ARHGAP32: variants seen among roughly 807,000 people sequenced by gnomAD.
ARHGAP32 encodes the protein Rho GTPase activating protein 32.
In ARHGAP32, 51 loss-of-function variants were observed where a neutral mutation model predicts 186.5. That is an observed-to-expected ratio of 0.27 (90% CI 0.22 to 0.35). The LOEUF (loss-of-function observed/expected upper bound fraction) is 0.35, where lower values mean the gene tolerates loss of function less well. Ranked by LOEUF, ARHGAP32 falls within the 10% of genes least tolerant of loss-of-function variation. The probability of loss-of-function intolerance (pLI) is 1.00; values close to 1 mark genes in which losing one functional copy is unlikely to be tolerated. For synonymous variants in ARHGAP32, 950 were observed against 964.3 expected, an observed-to-expected ratio of 0.99 and a Z score of 0.27; for missense variants, 2,186 against 2,623.5, an observed-to-expected ratio of 0.83 and a Z score of 3.64.
chr11:129,070,415 A>G (rs1940832689), intron 6 of ARHGAP32, among the ~76,000 whole-genome samples: 1 of 152,064 alleles, frequency 6.6e-6, no homozygotes, highest in South Asian at 2.1e-4. Context: ...AGTTTGGTTA[A>G]ATTGTTAACA....
At chr11:129,079,439 C>G (rs903731770) in intron 6 of ARHGAP32, among the ~76,000 whole-genome samples, 2 of 152,202 alleles carry the variant, frequency 1.3e-5, no homozygotes, top group African/African-American at 4.8e-5. Flanking sequence ...CTGGAAGCCT[C>G]TCTTTAGCCT....
chr11:129,059,698 T>C (rs1418179638), intron 10 of ARHGAP32, among the ~76,000 whole-genome samples: 1 of 151,736 alleles, frequency 6.6e-6, no homozygotes, highest in Non-Finnish European at 1.5e-5. Flanking sequence ...TGGGGTTTCA[T>C]CATGTTGGCC....
intron 5 of ARHGAP32, among the ~76,000 whole-genome samples, chr11:129,103,230 GA>G (rs929853098): frequency 5.3e-5 from 8 of 151,890 alleles, no homozygotes; most frequent in African/African-American, 1.5e-4. Context: ...TTAAAACTAT[GA>G]AAAAAAGTTC....
intron 1 of ARHGAP32, among the ~76,000 whole-genome samples, chr11:129,211,233 TG>T: frequency 6.6e-6 from 1 of 152,322 alleles, no homozygotes; most frequent in East Asian, 1.9e-4. Flanking sequence ...CTTTTATTAG[TG>T]ATCTGGATAT....
At chr11:129,105,831 A>C (rs1019210086) in intron 5 of ARHGAP32, among the ~76,000 whole-genome samples, 2 of 152,182 alleles carry the variant, frequency 1.3e-5, no homozygotes, top group African/African-American at 2.4e-5. Context: ...TTAACTAGAC[A>C]CTAAATAAAC....
intron 1 of ARHGAP32, among the ~76,000 whole-genome samples, chr11:129,253,750 C>A (rs575266525): frequency 6.6e-6 from 1 of 152,174 alleles, no homozygotes; most frequent in South Asian, 2.1e-4. Context: ...GGAATCATAT[C>A]TATTTTAATT....
chr11:129,035,305 T>C (rs1395014024), intron 11 of ARHGAP32, among the ~76,000 whole-genome samples: 1 of 152,210 alleles, frequency 6.6e-6, no homozygotes, highest in Admixed American at 6.5e-5. Context: ...ATTAATAACA[T>C]TTAAGAACAG....
intron 11 of ARHGAP32, among the ~76,000 whole-genome samples, chr11:129,009,757 T>G (rs769175503): frequency 6.6e-6 from 1 of 152,204 alleles, no homozygotes; most frequent in Non-Finnish European, 1.5e-5. Context: ...TTGGGTTGAT[T>G]CTGTGTCTTT....
intron 12 of ARHGAP32, among the ~76,000 whole-genome samples, chr11:128,996,853 C>T (rs944825692): frequency 6.6e-6 from 1 of 152,010 alleles, no homozygotes; most frequent in African/African-American, 2.4e-5. Flanking sequence ...GTGAAATCAG[C>T]TTACCGACCC....
intron 22 of ARHGAP32, 73 bp from the exon 23 acceptor site, chr11:128,971,232 C>G: frequency 2.2e-6 from 3 of 1,338,606 alleles, no homozygotes; most frequent in Non-Finnish European, 3.1e-6. Flanking sequence ...AAATTTGTAA[C>G]TCACAAATTA....
At chr11:129,157,724 A>T (rs1943439051) in intron 2 of ARHGAP32, among the ~76,000 whole-genome samples, 1 of 152,178 alleles carries the variant, frequency 6.6e-6, no homozygotes, top group South Asian at 2.1e-4. Context: ...CAGGAAATAC[A>T]GAGAACACCA....
At chr11:129,017,936 A>G (rs1186461002) in intron 11 of ARHGAP32, among the ~76,000 whole-genome samples, 1 of 152,182 alleles carries the variant, frequency 6.6e-6, no homozygotes, top group African/African-American at 2.4e-5. Context: ...CCATCTATTA[A>G]GCTGATATTT....
chr11:129,066,233 T>C (rs1940684351), intron 7 of ARHGAP32, among the ~76,000 whole-genome samples: 2 of 152,104 alleles, frequency 1.3e-5, no homozygotes, highest in Non-Finnish European at 2.9e-5. Context: ...CCTTATCCCA[T>C]CTACTTTTTA....
intron 1 of ARHGAP32, among the ~76,000 whole-genome samples, chr11:129,235,387 T>A (rs924023197): frequency 6.6e-6 from 1 of 152,190 alleles, no homozygotes; most frequent in African/African-American, 2.4e-5. Flanking sequence ...TTGCCTGAGC[T>A]CCTACCCTTA....
chr11:129,072,337 G>C (rs1042182607), intron 6 of ARHGAP32, among the ~76,000 whole-genome samples: 3 of 152,090 alleles, frequency 2.0e-5, no homozygotes, highest in African/African-American at 7.2e-5. Flanking sequence ...GGAAATGACA[G>C]GCCATACAAA....
intron 1 of ARHGAP32, among the ~76,000 whole-genome samples, chr11:129,215,923 T>C (rs771459618): frequency 6.6e-5 from 10 of 152,182 alleles, no homozygotes; most frequent in African/African-American, 2.2e-4. Context: ...TCCTGGATTA[T>C]GCAGGCAGTC....
chr11:129,221,828 A>T (rs1413442974), intron 1 of ARHGAP32, among the ~76,000 whole-genome samples: 2 of 151,978 alleles, frequency 1.3e-5, no homozygotes, highest in East Asian at 1.9e-4. Context: ...AAATTTTTTT[A>T]AATAGTAGGC....
At chr11:129,278,903 C>CCGCGGGGAG (rs985999384) in intron 1 of ARHGAP32, among the ~76,000 whole-genome samples, 2 of 149,018 alleles carry the variant, frequency 1.3e-5, no homozygotes, top group African/African-American at 4.9e-5. Flanking sequence ...CTCGCGGAGG[C>CCGCGGGGAG]CGCGGGGAGC....
At position 129,131,273 on chromosome 11, in the gene ARHGAP32, T is replaced by C. The variant is rs183468918; in HGVS notation, c.226-6379A>G. 9.2e-5 allele frequency among the ~76,000 whole-genome samples: 14 copies of C among 152,198 alleles called. No homozygotes were observed. The East Asian group carries it at 2.7e-3, about 29-fold the overall frequency. On this transcript the variant is annotated intron_variant, in intron 2 of 22. Transcript: ENST00000682385. ...ATGGACAAACATTAGTGCATTTTAC[T>C]CACTTATGTGTGTGTGTGTTAAACT... is the stretch of plus-strand genomic sequence containing the variant.
Sources: gnomAD v4.1 joint callset for allele counts (sites outside exome capture counted in the v4.1 genomes callset) on GRCh38, gnomAD v4.1.1 for gene constraint, MANE v1.5 for transcripts, NCBI Gene and HGNC (gene_info 2026-07-23, HGNC 2026-07-21) for gene names.